HBP1: variants seen among roughly 807,000 people sequenced by gnomAD.
HBP1 encodes the protein HMG box-containing protein 1.
In HBP1, 20 loss-of-function variants were observed where a neutral mutation model predicts 62.6. That is an observed-to-expected ratio of 0.32 (90% CI 0.22 to 0.46). HBP1 has a LOEUF of 0.46. Ranked by LOEUF, HBP1 falls within the 20% of genes least tolerant of loss-of-function variation. HBP1 has a pLI of 1.00. For missense variants in HBP1, 480 were observed against 611.8 expected, an observed-to-expected ratio of 0.78 and a Z score of 2.27; for synonymous variants, 232 against 206.2, an observed-to-expected ratio of 1.12 and a Z score of -1.07.
rs1798321713 is a variant in HBP1, at chr7:107,201,683, G to A, written c.*252G>A. On this transcript the variant is annotated 3_prime_UTR_variant, in exon 11 of 11. Coordinates refer to ENST00000222574, the MANE Select transcript of HBP1 (RefSeq NM_012257.4). ...TTCCAAACTTCATATATGTCTATCA[G>A]GTAATAATAGGCTTGAAAATTGATA... is the stretch of plus-strand genomic sequence containing the variant. The A allele has an allele frequency of 2.7e-6, 1 of 370,906 alleles. No individual in the cohort carries two copies. The highest frequency in any genetic ancestry group is 2.1e-5 in the African/African-American group (1 of 47,974). 23.0% of individuals were successfully genotyped at this position (370,906 alleles called of 1,614,324 possible).
intron 1 of HBP1, 192 bp from the exon 2 acceptor site, chr7:107,179,687 G>C (rs571227346): frequency 1.2e-5 from 4 of 336,650 alleles, no homozygotes; most frequent in African/African-American, 8.3e-5. Context: ...CGGGAGAATC[G>C]CTTGAACCCA....
intron 1 of HBP1, chr7:107,173,575 A>C (rs1199282648): frequency 6.6e-6 from 1 of 152,254 alleles, no homozygotes; most frequent in Non-Finnish European, 1.5e-5. Context: ...GATGAAGTAC[A>C]TGGAAGTGCT....
Position 107,199,662 on chromosome 7 carries a change from C to CTGTT in HBP1, c.1386-496_1386-493dup, listed in dbSNP as rs530749772. 2.0e-3 allele frequency among the ~76,000 whole-genome samples: 305 copies of CTGTT among 152,270 alleles called. 2 individuals are homozygous for CTGTT. The highest frequency in any genetic ancestry group is 6.9e-3 in the African/African-American group (287 of 41,564). ...TTTACATCTGTGTGCCTAGGTGAGA[C>CTGTT]TGTTTTAGTAGGTTTCATAGCAGAG... is the stretch of plus-strand genomic sequence containing the variant. On this transcript the variant is annotated intron_variant, in intron 9 of 10. Transcript: ENST00000222574.
intron 3 of HBP1, among the ~76,000 whole-genome samples, chr7:107,183,145 T>C (rs559387538): frequency 5.8e-4 from 88 of 152,326 alleles, no homozygotes; most frequent in African/African-American, 2.0e-3. Flanking sequence ...GGTTGTGCTA[T>C]GAAATTACGG....
At chr7:107,176,534 A>G (rs142966077) in intron 1 of HBP1, among the ~76,000 whole-genome samples, 11 of 152,250 alleles carry the variant, frequency 7.2e-5, no homozygotes, top group East Asian at 1.9e-4. Flanking sequence ...AGCCCAGTGT[A>G]TCTCAGTATT....
Position 107,171,071 on chromosome 7 carries a change from A to ATTTTTTTTTTTTTTT in HBP1, c.-16+1887_-16+1888insTTTTTTTTTTTTTTT, listed in dbSNP as rs1160740045. Among the ~76,000 whole-genome samples, 22 of 84,292 alleles carry ATTTTTTTTTTTTTTT rather than the reference A, an allele frequency of 2.6e-4. 3 individuals carry two copies. Among genetic ancestry groups the ATTTTTTTTTTTTTTT allele is most frequent in the African/African-American group, 1.6e-3 (20 of 12,238 alleles). The allele number at this position is 84,292 out of a possible 152,430, so 55.3% of individuals were successfully genotyped here. On this transcript the variant is annotated intron_variant, in intron 1 of 10. Coordinates refer to ENST00000222574, the MANE Select transcript of HBP1 (RefSeq NM_012257.4). ...AATATATATATATATATATATATATATATTTTTTTTTTTTTTTGAGAGGGA... is the reference window on the plus strand; with the variant it reads ...AATATATATATATATATATATATATATTTTTTTTTTTTTTTTATTTTTTTTTTTTTTTGAGAGGGA...
intron 8 of HBP1, among the ~76,000 whole-genome samples, chr7:107,191,871 G>T (rs1289670562): frequency 6.6e-6 from 1 of 152,112 alleles, no homozygotes; most frequent in African/African-American, 2.4e-5. Flanking sequence ...TTGATGATTT[G>T]CTCAGAGAAT....
chr7:107,172,927 A>C (rs1796669914), intron 1 of HBP1, among the ~76,000 whole-genome samples: 1 of 152,176 alleles, frequency 6.6e-6, no homozygotes, highest in Admixed American at 6.5e-5. Context: ...AACAGGTCCA[A>C]ATAAGAAAAC....
intron 1 of HBP1, among the ~76,000 whole-genome samples, chr7:107,171,073 A>ATATATATTTTTTTTTTTT: frequency 2.2e-4 from 19 of 87,200 alleles, no homozygotes; most frequent in African/African-American, 1.1e-3. Flanking sequence ...ATATATATAT[A>ATATATATTTTTTTTTTTT]TTTTTTTTTT....
At chr7:107,199,057 C>G (rs538017960) in intron 9 of HBP1, among the ~76,000 whole-genome samples, 16 of 151,840 alleles carry the variant, frequency 1.1e-4, no homozygotes, top group Non-Finnish European at 4.4e-5. Flanking sequence ...TTAATGGGTT[C>G]TGCAAATGGA....
intron 6 of HBP1, 107 bp from the exon 7 acceptor site, chr7:107,189,185 G>T: frequency 1.1e-6 from 1 of 882,374 alleles, no homozygotes. Flanking sequence ...CAGGGATCCT[G>T]TCTTGGTTAT....
Position 107,189,418 on chromosome 7 carries a change from C to G in HBP1, c.892C>G (p.Leu298Val). 1 of 1,610,922 alleles carries G rather than the reference C, an allele frequency of 6.2e-7. No individual in the cohort carries two copies. The highest frequency in any genetic ancestry group is 8.5e-7 in the Non-Finnish European group (1 of 1,178,422). ...EDGLLTVECK[L>V]DHPFYVKNKG... ...TGGTTTACTTACCGTAGAGTGTAAG[C>G]TGGACCACCCTTTCTATGTTAAAAA... The change falls in exon 7 of 11, where the codon CTG becomes GTG. Residue 298 changes from leucine (L) to valine (V), a missense_variant. Leu to Val is a conservative substitution (Grantham distance 32). This residue lies in a region of HBP1 where 58 missense variants were observed against 128.5 expected (regional missense o/e 0.45). Transcript: ENST00000222574.
chr7:107,169,668 G>A (rs1796454481), intron 1 of HBP1: 1 of 871,524 alleles, frequency 1.1e-6, no homozygotes, highest in East Asian at 1.2e-4. Context: ...GGGGATTCTG[G>A]CTGAGCTGAG....
chr7:107,179,781 A>G (rs1797024969), intron 1 of HBP1, 98 bp from the exon 2 acceptor site: 2 of 764,750 alleles, frequency 2.6e-6, no homozygotes, highest in East Asian at 2.6e-5. Context: ...CAAAAAAAAA[A>G]CAAAACAACA....
At chr7:107,173,515 C>G (rs940114510) in intron 1 of HBP1, 2 of 152,174 alleles carry the variant, frequency 1.3e-5, no homozygotes, top group Non-Finnish European at 2.9e-5. Context: ...TTTTCCTCAT[C>G]CATAATAATA....
Position 107,186,678 on chromosome 7 carries a change from C to CTG in HBP1, c.762_763insTG (p.Lys255Ter), listed in dbSNP as rs1797391526. On this transcript the variant is annotated frameshift_variant, in exon 6 of 11. Transcript: ENST00000222574. LOFTEE classifies it high-confidence loss of function. ...AGGAAGATCTTCAAATGGGCATTCA[C>CTG]AAGGTTGATTTAAAATTCTTAAAAA... 6.4e-7 allele frequency: 1 copy of CTG among 1,563,766 alleles called. No individual in the cohort carries two copies. The highest frequency in any genetic ancestry group is 8.7e-7 in the Non-Finnish European group (1 of 1,144,320).
intron 1 of HBP1, chr7:107,169,607 C>A: frequency 6.5e-6 from 2 of 308,380 alleles, no homozygotes; most frequent in East Asian, 1.7e-4. Context: ...GGGTGGGGGG[C>A]TGGCCGGAGG....
chr7:107,191,314 C>T (rs1241466365), intron 8 of HBP1, among the ~76,000 whole-genome samples: 1 of 152,134 alleles, frequency 6.6e-6, no homozygotes, highest in African/African-American at 2.4e-5. Flanking sequence ...CTCATATACA[C>T]TCTTTTTTGA....
chr7:107,173,661 C>A (rs1469201679), intron 1 of HBP1: 1 of 152,180 alleles, frequency 6.6e-6, no homozygotes, highest in African/African-American at 2.4e-5. Flanking sequence ...CTCTCTTTCT[C>A]TCCTGTCTTA....
Sources: allele counts gnomAD v4.1 joint callset (sites outside exome capture counted in the v4.1 genomes callset), GRCh38; gene constraint gnomAD v4.1.1; regional missense constraint gnomAD v4.1.1; transcripts MANE v1.5; gene names NCBI Gene and HGNC (gene_info 2026-07-23, HGNC 2026-07-21).